HPGDS: variants seen among roughly 807,000 people sequenced by gnomAD.
HPGDS encodes GST class-sigma.
In HPGDS, 26 loss-of-function variants were observed where a neutral mutation model predicts 23.1. That is an observed-to-expected ratio of 1.13 (90% CI 0.83 to 1.56). The LOEUF (loss-of-function observed/expected upper bound fraction) is 1.56. Ranked by LOEUF, HPGDS falls within the 40% of genes most tolerant of loss-of-function variation. The pLI, the probability that HPGDS is intolerant of heterozygous loss-of-function variation, is 0.00. For synonymous variants in HPGDS, 95 were observed against 77.9 expected (o/e 1.22, Z -1.16); for missense variants, 268 against 236.4 (o/e 1.13, Z -0.88).
At chr4:94,302,410 T>G (rs1221941001) in intron 4 of HPGDS, among the ~76,000 whole-genome samples, 166 bp from the exon 5 acceptor site, 1 of 152,152 alleles carries the variant, frequency 6.6e-6, no homozygotes, top group African/African-American at 2.4e-5. Flanking sequence ...TAGGTCTGAT[T>G]CTCTATAGAT....
intron 1 of HPGDS, among the ~76,000 whole-genome samples, chr4:94,340,263 TTC>T (rs1721112089): frequency 3.7e-5 from 1 of 27,310 alleles, no homozygotes; most frequent in Non-Finnish European, 7.2e-5. Context: ...GTCTAAACCT[TTC>T]TTTCTTTCTT....
At chr4:94,324,967 G>A (rs1383020246) in intron 2 of HPGDS, among the ~76,000 whole-genome samples, 1 of 152,164 alleles carries the variant, frequency 6.6e-6, no homozygotes, top group Non-Finnish European at 1.5e-5. Flanking sequence ...TTTTGTTGAT[G>A]TTGATGCTAT....
chr4:94,314,776 G>T (rs181410582), intron 3 of HPGDS, among the ~76,000 whole-genome samples: 3,783 of 152,268 alleles, frequency 0.025, 104 homozygotes, highest in African/African-American at 0.074. Context: ...TTGAGCTGTG[G>T]TGGGCTCCAC....
chr4:94,303,192 A>G (rs1756077462), intron 4 of HPGDS, among the ~76,000 whole-genome samples: 1 of 152,140 alleles, frequency 6.6e-6, no homozygotes, highest in South Asian at 2.1e-4. Flanking sequence ...CTACCACAAC[A>G]TAATGCCTTA....
At chr4:94,314,131 T>C (rs549271050) in intron 3 of HPGDS, among the ~76,000 whole-genome samples, 2 of 152,352 alleles carry the variant, frequency 1.3e-5, no homozygotes, top group South Asian at 4.1e-4. Flanking sequence ...AGCCTTCTTC[T>C]CTCAACTCAT....
rs1756049403 is a variant in HPGDS, at chr4:94,302,002, G to T, written c.435+144C>A. 6.5e-6 allele frequency: 3 copies of T among 463,422 alleles called. No individual in the cohort carries two copies. In the Admixed American group the frequency reaches 1.1e-4, roughly 17 times the overall value. The allele number at this position is 463,422 out of a possible 1,614,324, so 28.7% of individuals were successfully genotyped here. A position where few individuals can be genotyped will look rare whatever the true frequency, so the allele number is the denominator to read the frequency against. Reference sequence around the variant, plus strand: ...CAAAGTCAAATCTATTTTTTAAAAAGGTTTATTTAAAGAAGTTTAACCTTT... The same window carrying T: ...CAAAGTCAAATCTATTTTTTAAAAATGTTTATTTAAAGAAGTTTAACCTTT... On this transcript the variant is annotated intron_variant, in intron 5 of 5. Coordinates refer to ENST00000295256, the MANE Select transcript of HPGDS (RefSeq NM_014485.3).
intron 1 of HPGDS, among the ~76,000 whole-genome samples, chr4:94,336,051 C>T (rs1179497025): frequency 4.0e-5 from 6 of 151,736 alleles, no homozygotes; most frequent in African/African-American, 1.5e-4. Flanking sequence ...ACTAAAAATA[C>T]AAAAATTAGC....
intron 4 of HPGDS, among the ~76,000 whole-genome samples, chr4:94,307,110 A>G (rs1756153850): frequency 6.6e-6 from 1 of 152,094 alleles, no homozygotes; most frequent in Non-Finnish European, 1.5e-5. Context: ...AGCCTTTCAA[A>G]TACTAATGAA....
intron 1 of HPGDS, among the ~76,000 whole-genome samples, chr4:94,340,302 TTTCTTTC>T (rs745607078): frequency 1.7e-5 from 1 of 57,932 alleles, no homozygotes. Context: ...TCTTTCTTTC[TTTCTTTC>T]TCTTTTTTTT....
At position 94,342,775 on chromosome 4, in the gene HPGDS, A is replaced by G. The variant is rs575913011; in HGVS notation, c.-10+20T>C. The G allele has an allele frequency of 1.3e-5, 2 of 152,284 alleles. No individual in the cohort carries two copies. Among genetic ancestry groups the G allele is most frequent in the South Asian group, 4.2e-4 (2 of 4,814 alleles). 9.4% of individuals were successfully genotyped at this position (152,284 alleles called of 1,614,324 possible). On this transcript the variant is annotated intron_variant, in intron 1 of 5. Transcript: ENST00000295256. ...CATATCTCATTTATTACCTATGTGG[A>G]GTTCAGTAATATGACTTACCTGTGT...
At chr4:94,340,313 T>TTCTTTCTTTCTTTTTCTTTTC (rs1721129735) in intron 1 of HPGDS, among the ~76,000 whole-genome samples, 1 of 17,610 alleles carries the variant, frequency 5.7e-5, no homozygotes, top group Non-Finnish European at 1.1e-4. Context: ...TTCTTTCTCT[T>TTCTTTCTTTCTTTTTCTTTTC]TTTTTTTTTT....
intron 3 of HPGDS, among the ~76,000 whole-genome samples, chr4:94,317,586 T>C (rs535494874): frequency 6.6e-6 from 1 of 152,322 alleles, no homozygotes; most frequent in South Asian, 2.1e-4. Context: ...AAGTTTGGAA[T>C]GAAACATCCC....
intron 5 of HPGDS, among the ~76,000 whole-genome samples, chr4:94,300,514 A>G (rs968289309): frequency 6.6e-6 from 1 of 152,152 alleles, no homozygotes; most frequent in African/African-American, 2.4e-5. Flanking sequence ...TGCCTCAGGA[A>G]CTTATTAAAC....
At chr4:94,309,598 A>G (rs1332033298) in intron 3 of HPGDS, among the ~76,000 whole-genome samples, 1 of 152,078 alleles carries the variant, frequency 6.6e-6, no homozygotes, top group African/African-American at 2.4e-5. Context: ...ATACGTGTGC[A>G]TGTGTCTTTA....
Position 94,302,218 on chromosome 4 carries a change from C to G in HPGDS, c.363G>C (p.Thr121=). 6.2e-7 allele frequency: 1 copy of G among 1,611,908 alleles called. No individual in the cohort carries two copies. The highest frequency in any genetic ancestry group is 8.5e-7 in the Non-Finnish European group (1 of 1,178,566). Residue 121 remains threonine, a synonymous_variant, in exon 5 of 6, where the codon ACG becomes ACC. Coordinates refer to ENST00000295256, the MANE Select transcript of HPGDS (RefSeq NM_014485.3). ...CTTGCATAAGATGAGGCGCATTATA[C>G]GTGAGCAGCTCATTGAACATCTGCT... is the stretch of plus-strand genomic sequence containing the variant. ...VKEQMFNELL[T]YNAPHLMQDL...
At chr4:94,303,394 T>G (rs1560583440) in intron 4 of HPGDS, among the ~76,000 whole-genome samples, 1 of 152,116 alleles carries the variant, frequency 6.6e-6, no homozygotes, top group Non-Finnish European at 1.5e-5. Context: ...ATGCAAATAT[T>G]CCAAAATCTG....
chr4:94,311,744 T>G (rs528116465), intron 3 of HPGDS, among the ~76,000 whole-genome samples: 1 of 151,594 alleles, frequency 6.6e-6, no homozygotes, highest in African/African-American at 2.4e-5. Flanking sequence ...TCTGGTAGAA[T>G]TCAGCTGTGA....
chr4:94,328,220 C>T (rs1756675152), intron 2 of HPGDS, among the ~76,000 whole-genome samples: 1 of 152,244 alleles, frequency 6.6e-6, no homozygotes, highest in South Asian at 2.1e-4. Flanking sequence ...TTCTGTGCCT[C>T]AGAGGTTTCC....
Position 94,302,218 on chromosome 4 carries a change from C to T in HPGDS, c.363G>A (p.Thr121=), listed in dbSNP as rs772230597. 23 of 1,611,790 alleles carry T rather than the reference C, an allele frequency of 1.4e-5. No homozygotes were observed. The highest frequency in any genetic ancestry group is 2.7e-5 in the African/African-American group (2 of 74,806). ...CTTGCATAAGATGAGGCGCATTATA[C>T]GTGAGCAGCTCATTGAACATCTGCT... ...VKEQMFNELL[T]YNAPHLMQDL... is the part of the protein sequence containing the mutation. The change falls in exon 5 of 6, where the codon ACG becomes ACA. Residue 121 remains threonine, a synonymous_variant. Coordinates refer to ENST00000295256, the MANE Select transcript of HPGDS (RefSeq NM_014485.3).
Sources: allele counts gnomAD v4.1 joint callset (sites outside exome capture counted in the v4.1 genomes callset), GRCh38; gene constraint gnomAD v4.1.1; transcripts MANE v1.5; gene names NCBI Gene and HGNC (gene_info 2026-07-23, HGNC 2026-07-21).